The following CENPW variants were observed in gnomAD, a reference collection of about 807,000 sequenced individuals.
CENPW encodes cancer-up-regulated gene 2 protein.
In CENPW, 3 loss-of-function variants were observed where a neutral mutation model predicts 11.1. The ratio of observed to expected loss-of-function variants is 0.27; its 90% CI spans 0.12 to 0.70. The LOEUF is 0.70. CENPW is among the 30% of genes least tolerant of loss of function. The pLI, the probability that CENPW is intolerant of heterozygous loss-of-function variation, is 0.77. For synonymous variants in CENPW, 38 were observed against 42.0 expected (o/e 0.91, Z 0.37); for missense variants, 100 against 105.6 (o/e 0.95, Z 0.23).
chr6:126,411,596 T>A, the CENPW span, among the ~76,000 whole-genome samples: 1 of 152,102 alleles, frequency 6.6e-6, no homozygotes, highest in Non-Finnish European at 1.5e-5. Context: ...CAGGATCTGT[T>A]ATACTGAGGC....
At chr6:126,390,571 A>AT in the CENPW span, among the ~76,000 whole-genome samples, 7 of 151,310 alleles carry the variant, frequency 4.6e-5, no homozygotes, top group Non-Finnish European at 7.4e-5. Context: ...ATTCTTTCTA[A>AT]TTTTTTTTGT....
At chr6:126,429,541 C>A in the CENPW span, among the ~76,000 whole-genome samples, 1 of 152,110 alleles carries the variant, frequency 6.6e-6, no homozygotes, top group South Asian at 2.1e-4. Flanking sequence ...TCACCCCCTG[C>A]CATGAGTAAA....
chr6:126,414,945 A>G, the CENPW span, among the ~76,000 whole-genome samples: 14 of 152,228 alleles, frequency 9.2e-5, no homozygotes, highest in Non-Finnish European at 1.8e-4. Flanking sequence ...ACAAAGGATC[A>G]TTAGCGATGG....
the CENPW span, among the ~76,000 whole-genome samples, chr6:126,443,262 C>A: frequency 2.0e-5 from 3 of 151,184 alleles, no homozygotes; most frequent in Non-Finnish European, 4.4e-5. Flanking sequence ...AAGCCTTCTT[C>A]ACCCCTAATT....
the CENPW span, among the ~76,000 whole-genome samples, chr6:126,388,692 G>A: frequency 2.0e-5 from 3 of 151,942 alleles, no homozygotes; most frequent in African/African-American, 7.2e-5. Context: ...TTGGGCTTTA[G>A]GTGTGTCTTT....
chr6:126,406,370 T>C, the CENPW span, among the ~76,000 whole-genome samples: 1 of 152,172 alleles, frequency 6.6e-6, no homozygotes, highest in South Asian at 2.1e-4. Context: ...ATATTTTGGA[T>C]CTATGTTCAT....
the CENPW span, among the ~76,000 whole-genome samples, chr6:126,446,639 C>A: frequency 3.3e-5 from 5 of 150,888 alleles, no homozygotes; most frequent in African/African-American, 9.7e-5. Context: ...CCAACCTAAC[C>A]AAAAATAAAA....
At chr6:126,350,241 T>A (rs947500506), downstream of CENPW, among the ~76,000 whole-genome samples, 1 of 152,138 alleles carries the variant, frequency 6.6e-6, no homozygotes, top group Non-Finnish European at 1.5e-5. Context: ...ATGTCTTAGT[T>A]TAGGCTGGTA....
the CENPW span, among the ~76,000 whole-genome samples, chr6:126,410,238 C>T: frequency 6.6e-6 from 1 of 152,030 alleles, no homozygotes; most frequent in Admixed American, 6.6e-5. Context: ...TTATTTCTTC[C>T]TCATTGTTGA....
At chr6:126,353,461 T>C (rs1214773587), downstream of CENPW, among the ~76,000 whole-genome samples, 1 of 152,042 alleles carries the variant, frequency 6.6e-6, no homozygotes, top group Non-Finnish European at 1.5e-5. Context: ...TTATAGAGGG[T>C]AATATGTCTT....
the CENPW span, among the ~76,000 whole-genome samples, chr6:126,386,445 G>A: frequency 5.3e-5 from 8 of 152,140 alleles, no homozygotes; most frequent in Middle Eastern, 6.8e-3. Flanking sequence ...AACATGCCCA[G>A]TACTATTTAA....
chr6:126,457,297 A>T, the CENPW span, among the ~76,000 whole-genome samples: 6 of 151,632 alleles, frequency 4.0e-5, no homozygotes, highest in African/African-American at 1.4e-4. Context: ...AATAGCAAAG[A>T]CATAGAATTG....
chr6:126,409,804 A>C, the CENPW span, among the ~76,000 whole-genome samples: 1 of 151,886 alleles, frequency 6.6e-6, no homozygotes, highest in Non-Finnish European at 1.5e-5. Flanking sequence ...ACACATCTTT[A>C]CCAGTGAAGT....
chr6:126,407,864 T>C, the CENPW span, among the ~76,000 whole-genome samples: 1 of 152,234 alleles, frequency 6.6e-6, no homozygotes, highest in Non-Finnish European at 1.5e-5. Context: ...GTAAATATTC[T>C]TTCCCATTCT....
At chr6:126,387,685 C>T in the CENPW span, among the ~76,000 whole-genome samples, 3 of 151,766 alleles carry the variant, frequency 2.0e-5, no homozygotes, top group African/African-American at 7.3e-5. Context: ...AGGTTTCTAC[C>T]GATTATTGGG....
At chr6:126,447,666 A>G in the CENPW span, among the ~76,000 whole-genome samples, 1 of 151,088 alleles carries the variant, frequency 6.6e-6, no homozygotes, top group Non-Finnish European at 1.5e-5. Context: ...GCTTGCTCTG[A>G]CTGCTTTATA....
At chr6:126,343,823 G>A (rs570814456) in intron 1 of CENPW, among the ~76,000 whole-genome samples, 1 of 152,254 alleles carries the variant, frequency 6.6e-6, no homozygotes, top group African/African-American at 2.4e-5. Context: ...GGTCTGCCCA[G>A]TCCACTGACT....
chr6:126,384,420 A>G, the CENPW span, among the ~76,000 whole-genome samples: 1 of 152,184 alleles, frequency 6.6e-6, no homozygotes, highest in African/African-American at 2.4e-5. Flanking sequence ...TACTATTACA[A>G]AAACAGACAT....
At chr6:126,369,311 C>G in the CENPW span, among the ~76,000 whole-genome samples, 3,467 of 152,254 alleles carry the variant, frequency 0.023, 48 homozygotes, top group Non-Finnish European at 0.033. Flanking sequence ...AGTGAGATTG[C>G]TGGATCAAAT....
Sources: gnomAD v4.1 joint callset for allele counts (sites outside exome capture counted in the v4.1 genomes callset) on GRCh38, gnomAD v4.1.1 for gene constraint, MANE v1.5 for transcripts, NCBI Gene and HGNC (gene_info 2026-07-23, HGNC 2026-07-21) for gene names.